SUMF2: variants seen among roughly 807,000 people sequenced by gnomAD.
SUMF2 encodes sulfatase modifying factor 2.
A neutral mutation model predicts 44.8 loss-of-function variants in SUMF2; 45 were observed. The ratio of observed to expected loss-of-function variants is 1.00; its 90% CI spans 0.79 to 1.29. SUMF2 has a LOEUF of 1.29. Among genes scored for constraint, SUMF2 ranks in the 50% most tolerant of loss-of-function variants. The pLI, the probability that SUMF2 is intolerant of heterozygous loss-of-function variation, is 0.00. For missense variants in SUMF2, 418 were observed against 389.9 expected (o/e 1.07, Z -0.61); for synonymous variants, 148 against 150.4 (o/e 0.98, Z 0.12).
chr7:56,087,118 C>G, the SUMF2 span: 2 of 904,786 alleles, frequency 2.2e-6, no homozygotes, highest in African/African-American at 3.3e-5. Flanking sequence ...CTGCTGTGGG[C>G]TAACTTCAAA....
rs1051664567 is a variant in SUMF2 at position 56,074,567 on chromosome 7, A to T, written c.385-19A>T. The T allele has an allele frequency of 9.7e-5, 157 of 1,613,120 alleles. No individual in the cohort carries two copies. The highest frequency in any genetic ancestry group is 1.3e-4 in the Non-Finnish European group (154 of 1,179,514). On this transcript the variant is annotated intron_variant, in intron 4 of 8. Transcript: ENST00000434526. ...TAATGCGCTCCCGGAAGCCTGTCTC[A>T]CTTAATCCTGGCTGTCAGCCTGCAG...
chr7:56,078,968 C>G (rs1795779661), intron 8 of SUMF2: 2 of 618,464 alleles, frequency 3.2e-6, no homozygotes, highest in East Asian at 2.9e-5. Flanking sequence ...ACAGTCTCAG[C>G]TCACTACAGC....
rs537188818 is a variant in SUMF2 at position 56,077,990 on chromosome 7, C to T, written c.592-112C>T. The T allele has an allele frequency of 1.7e-5, 15 of 880,910 alleles. No individual in the cohort carries two copies. The East Asian group carries it at 3.3e-4, about 19-fold the overall frequency. The allele number at this position is 880,910 out of a possible 1,614,324, so 54.6% of individuals were successfully genotyped here. ...GAATCTTAGGTCACCGCCCCGTGCC[C>T]TTCCCCTTCCCCAGATGCAACAGCA... On this transcript the variant is annotated intron_variant, in intron 6 of 8. Transcript: ENST00000434526.
At position 56,068,580 on chromosome 7, in the gene SUMF2, G is replaced by C; in HGVS notation, c.166G>C (p.Glu56Gln). Residue 56 changes from glutamate (E) to glutamine (Q), a missense_variant, in exon 2 of 9, where the codon GAG becomes CAG. Transcript: ENST00000434526. ...DSRDGDGPVR[E>Q]ATVKPFAIDI... Reference sequence around the variant, plus strand: ...CAGAGATGGTGACGGGCCTGTGCGGGAGGCGACAGTGAAACCCTTTGCCAT... The same window carrying C: ...CAGAGATGGTGACGGGCCTGTGCGGCAGGCGACAGTGAAACCCTTTGCCAT... The C allele has an allele frequency of 6.2e-7, 1 of 1,613,998 alleles. No individual in the cohort carries two copies. Among genetic ancestry groups the C allele is most frequent in the East Asian group, 2.2e-5 (1 of 44,878 alleles).
At chr7:56,087,470 T>G in the SUMF2 span, 4 of 803,072 alleles carry the variant, frequency 5.0e-6, no homozygotes, top group Non-Finnish European at 8.0e-6. Flanking sequence ...GCAGTGAGGG[T>G]GGAGCTGGGA....
Position 56,078,120 on chromosome 7 carries a change from G to A in SUMF2, c.610G>A (p.Asp204Asn). 1 of 1,612,540 alleles carries A rather than the reference G, an allele frequency of 6.2e-7. No homozygotes were observed. The change falls in exon 7 of 9, where the codon GAC becomes AAC. Residue 204 changes from aspartate (D) to asparagine (N), a missense_variant. Coordinates refer to ENST00000434526, the MANE Select transcript of SUMF2 (RefSeq NM_015411.4). ...NLWQGKFPKGDKAEDGFHGVS... is the reference protein window; with the variant it reads ...NLWQGKFPKGNKAEDGFHGVS... Reference sequence around the variant, plus strand: ...CCATCAGGGAAAGTTCCCCAAGGGAGACAAAGCTGAGGATGGCTTCCATGG... The same window carrying A: ...CCATCAGGGAAAGTTCCCCAAGGGAAACAAAGCTGAGGATGGCTTCCATGG...
downstream of SUMF2, chr7:56,083,318 A>G (rs1796105307): frequency 6.2e-7 from 1 of 1,613,956 alleles, no homozygotes; most frequent in African/African-American, 1.3e-5. Flanking sequence ...AGGAAAAGCC[A>G]AAGTCTGTGA....
At chr7:56,086,067 G>T in the SUMF2 span, among the ~76,000 whole-genome samples, 1 of 151,122 alleles carries the variant, frequency 6.6e-6, no homozygotes, top group Non-Finnish European at 1.5e-5. Flanking sequence ...GCAGGACCTG[G>T]TCTTTGGTGC....
At chr7:56,079,275 C>T in intron 8 of SUMF2, 1 of 566,104 alleles carries the variant, frequency 1.8e-6, no homozygotes, top group Admixed American at 3.2e-5. Context: ...AGTGCTGTCT[C>T]TTGGGGCCAC....
At chr7:56,084,992 C>T (rs540356424), downstream of SUMF2, among the ~76,000 whole-genome samples, 9 of 150,954 alleles carry the variant, frequency 6.0e-5, no homozygotes, top group African/African-American at 2.2e-4. Context: ...AGAAAGTCTT[C>T]CTCTGTTGCC....
chr7:56,074,064 GACC>G (rs1395801051), intron 3 of SUMF2, 107 bp from the exon 4 acceptor site: 10 of 613,650 alleles, frequency 1.6e-5, no homozygotes, highest in African/African-American at 4.0e-5. Context: ...ACCTCACTTA[GACC>G]ACCTGAGTCT....
chr7:56,079,807 G>C lies in SUMF2; in HGVS notation c.*195G>C, dbSNP rs1348511033. 5 of 1,552,844 alleles carry C rather than the reference G, an allele frequency of 3.2e-6. No individual in the cohort carries two copies. The highest frequency in any genetic ancestry group is 4.4e-6 in the Non-Finnish European group (5 of 1,147,374). ...CTCAGCCTCCTGTGTTTTGGAGAAG[G>C]GGCCCAATGTGTGTTGACGATGGCT... On this transcript the variant is annotated 3_prime_UTR_variant, in exon 9 of 9. Coordinates refer to ENST00000434526, the MANE Select transcript of SUMF2 (RefSeq NM_015411.4).
intron 2 of SUMF2, among the ~76,000 whole-genome samples, chr7:56,070,900 A>G (rs1412991615): frequency 6.6e-6 from 1 of 152,194 alleles, no homozygotes; most frequent in East Asian, 1.9e-4. Context: ...CCTCCGCCAG[A>G]CCCAGAAGAC....
At chr7:56,073,933 T>C in intron 3 of SUMF2, 1 of 557,610 alleles carries the variant, frequency 1.8e-6, no homozygotes, top group Admixed American at 3.3e-5. Context: ...GAGGATTACC[T>C]GAGTCCAGGA....
downstream of SUMF2, chr7:56,081,348 C>A: frequency 6.4e-7 from 1 of 1,560,298 alleles, no homozygotes; most frequent in Admixed American, 1.9e-5. The surrounding 1 kb of genome is among the most constrained non-coding windows in gnomAD (Gnocchi z 4.6). Context: ...CCCTGCCAGG[C>A]CCTGCCCCTC....
downstream of SUMF2, chr7:56,081,205 TA>T (rs764672270): frequency 3.1e-6 from 5 of 1,613,752 alleles, no homozygotes; most frequent in South Asian, 4.4e-5. The surrounding 1 kb of genome is among the most constrained non-coding windows in gnomAD (Gnocchi z 4.6). Flanking sequence ...CCGGAGGGCA[TA>T]GGGGTCTCGG....
chr7:56,081,260 A>G (rs1795970087), downstream of SUMF2: 1 of 1,612,620 alleles, frequency 6.2e-7, no homozygotes, highest in Non-Finnish European at 8.5e-7. The surrounding 1 kb of genome is among the most constrained non-coding windows in gnomAD (Gnocchi z 4.6). Flanking sequence ...CGGTACTGGT[A>G]GTAGATCCGC....
the SUMF2 span, chr7:56,087,562 G>A: frequency 4.4e-6 from 7 of 1,592,556 alleles, no homozygotes; most frequent in Non-Finnish European, 6.0e-6. Context: ...AATCACAGGG[G>A]GGCACCCTGC....
Position 56,079,044 on chromosome 7 carries a change from G to A in SUMF2, c.822-484G>A, listed in dbSNP as rs13226699. 0.079 allele frequency: 43,403 copies of A among 545,966 alleles called. 2,497 individuals carry two copies. The highest frequency in any genetic ancestry group is 0.25 in the East Asian group (8,237 of 33,378). 33.8% of individuals were successfully genotyped at this position (545,966 alleles called of 1,614,324 possible). A position where few individuals can be genotyped will look rare whatever the true frequency, so the allele number is the denominator to read the frequency against. On this transcript the variant is annotated intron_variant, in intron 8 of 8. Transcript: ENST00000434526. ...CTCAAGTATCTGGGACTACAGGTGCGGCTAATTTTTGTAGAGATGAGTTTT... is the reference window on the plus strand; with the variant it reads ...CTCAAGTATCTGGGACTACAGGTGCAGCTAATTTTTGTAGAGATGAGTTTT...
Sources: allele counts gnomAD v4.1 joint callset (sites outside exome capture counted in the v4.1 genomes callset), GRCh38; gene constraint gnomAD v4.1.1; non-coding constraint Gnocchi (gnomAD v3.1); transcripts MANE v1.5; gene names NCBI Gene and HGNC (gene_info 2026-07-23, HGNC 2026-07-21).